Variants in WWOX observed in about 807,000 individuals in gnomAD.
WWOX encodes WW domain-containing oxidoreductase.
Under a neutral mutation model 46.2 loss-of-function variants are expected in WWOX, and 69 were observed. The observed-to-expected ratio is 1.49, with a 90% confidence interval of 1.23 to 1.82. The LOEUF (loss-of-function observed/expected upper bound fraction) is 1.82. WWOX is among the 40% of genes most tolerant of loss of function. WWOX has a pLI of 0.00. For synonymous variants in WWOX, 359 were observed against 202.6 expected (o/e 1.77, Z -6.56); for missense variants, 919 against 542.6 (o/e 1.69, Z -6.89).
At chr16:78,765,219 C>G (rs751446382) in intron 8 of WWOX, among the ~76,000 whole-genome samples, 2 of 152,194 alleles carry the variant, frequency 1.3e-5, no homozygotes, top group East Asian at 3.9e-4. Flanking sequence ...GGCAGAGGAT[C>G]CAGCACGAGC....
intron 8 of WWOX, chr16:78,825,434 C>A (rs768904808): frequency 3.5e-5 from 12 of 347,134 alleles, no homozygotes; most frequent in Non-Finnish European, 6.4e-5. Context: ...AATATCTTAG[C>A]CAACAGAACA....
At chr16:78,950,706 G>A (rs1009172136) in intron 8 of WWOX, among the ~76,000 whole-genome samples, 1 of 152,106 alleles carries the variant, frequency 6.6e-6, no homozygotes, top group African/African-American at 2.4e-5. Context: ...TCTAAGTAAT[G>A]GTTTCTCTTA....
At chr16:79,030,213 A>T (rs957428736) in intron 8 of WWOX, among the ~76,000 whole-genome samples, 1 of 152,180 alleles carries the variant, frequency 6.6e-6, no homozygotes, top group African/African-American at 2.4e-5. Context: ...GGACATTGTA[A>T]TTATTTTGTA....
At chr16:79,115,573 A>G (rs2049500169) in intron 8 of WWOX, among the ~76,000 whole-genome samples, 1 of 152,232 alleles carries the variant, frequency 6.6e-6, no homozygotes, top group Admixed American at 6.5e-5. Flanking sequence ...ACAAGCCAGT[A>G]ATTCAGAAAA....
chr16:78,418,361 C>T (rs1011331145), intron 6 of WWOX, among the ~76,000 whole-genome samples: 5 of 150,632 alleles, frequency 3.3e-5, no homozygotes, highest in African/African-American at 1.2e-4. Flanking sequence ...GAGTAAGACT[C>T]CATCTCAGAA....
chr16:78,858,889 G>T lies in WWOX; in HGVS notation c.1057-352719G>T, dbSNP rs182321863. The stretch of plus-strand genomic sequence containing the variant: ...AGTTGGGGTCTCACCATGTTGCCCA[G>T]GCTGGTCTTGAACTCCTGGGCTCAA... On this transcript the variant is annotated intron_variant, in intron 8 of 8. Coordinates refer to ENST00000566780, the MANE Select transcript of WWOX (RefSeq NM_016373.4). 3.3e-4 allele frequency among the ~76,000 whole-genome samples: 50 copies of T among 150,114 alleles called. 2 individuals are homozygous for T. In the East Asian group the frequency reaches 9.9e-3, roughly 30 times the overall value.
intron 8 of WWOX, among the ~76,000 whole-genome samples, chr16:79,113,406 G>A (rs200437586): frequency 6.6e-6 from 1 of 152,210 alleles, no homozygotes; most frequent in East Asian, 1.9e-4. Flanking sequence ...ATCTGTCGTT[G>A]GTTGAGGACT....
At chr16:78,974,177 A>G (rs1389906292) in intron 8 of WWOX, among the ~76,000 whole-genome samples, 2 of 152,226 alleles carry the variant, frequency 1.3e-5, no homozygotes, top group Non-Finnish European at 2.9e-5. Context: ...AATCTCGTTA[A>G]TACTTTTGGA....
At chr16:78,606,679 C>T (rs75867215) in intron 8 of WWOX, among the ~76,000 whole-genome samples, 2,093 of 149,674 alleles carry the variant, frequency 0.014, 47 homozygotes, top group African/African-American at 0.049. Flanking sequence ...GAAGCCAGCC[C>T]GATTAGGACG....
chr16:78,869,931 G>A (rs575370019), intron 8 of WWOX, among the ~76,000 whole-genome samples: 3 of 152,184 alleles, frequency 2.0e-5, no homozygotes, highest in Non-Finnish European at 2.9e-5. Flanking sequence ...TATCATTGAC[G>A]TCAGTGCCTT....
chr16:78,182,822 G>A (rs902569267), intron 5 of WWOX, among the ~76,000 whole-genome samples: 2 of 151,858 alleles, frequency 1.3e-5, no homozygotes, highest in Non-Finnish European at 2.9e-5. Flanking sequence ...ATGGTGGCGG[G>A]TACCTGTAGT....
At chr16:78,586,181 ACC>A in intron 8 of WWOX, among the ~76,000 whole-genome samples, 2 of 152,200 alleles carry the variant, frequency 1.3e-5, no homozygotes, top group South Asian at 4.1e-4. Flanking sequence ...ACATAGCGAG[ACC>A]CTGTTTCTTA....
intron 8 of WWOX, among the ~76,000 whole-genome samples, chr16:78,881,594 A>T (rs1041596621): frequency 2.0e-5 from 3 of 152,194 alleles, no homozygotes; most frequent in African/African-American, 7.2e-5. Context: ...ATCAAGAGTA[A>T]TTGTGACTTG....
At chr16:78,353,663 T>A (rs1213615915) in intron 5 of WWOX, among the ~76,000 whole-genome samples, 4 of 152,252 alleles carry the variant, frequency 2.6e-5, no homozygotes, top group Non-Finnish European at 5.9e-5. Flanking sequence ...TTATGAAGAT[T>A]AGAGATGTAA....
intron 6 of WWOX, among the ~76,000 whole-genome samples, chr16:78,408,464 A>C (rs2082600396): frequency 6.6e-6 from 1 of 152,034 alleles, no homozygotes; most frequent in East Asian, 1.9e-4. Flanking sequence ...TTAGTTAATA[A>C]ATTCGGCTCC....
At chr16:79,020,341 C>A (rs1016273189) in intron 8 of WWOX, among the ~76,000 whole-genome samples, 2 of 152,142 alleles carry the variant, frequency 1.3e-5, no homozygotes, top group Non-Finnish European at 2.9e-5. Context: ...ACTATGGAGT[C>A]TTAAGTCCAA....
intron 8 of WWOX, among the ~76,000 whole-genome samples, chr16:78,701,616 C>T (rs2048219927): frequency 6.6e-6 from 1 of 151,996 alleles, no homozygotes; most frequent in African/African-American, 2.4e-5. Context: ...CACCTGCCTC[C>T]CCCACACTCC....
At chr16:78,328,479 T>C (rs1304318343) in intron 5 of WWOX, among the ~76,000 whole-genome samples, 2 of 152,204 alleles carry the variant, frequency 1.3e-5, no homozygotes, top group African/African-American at 4.8e-5. Context: ...TCATTTCAAG[T>C]TGCTGGTAAG....
intron 8 of WWOX, among the ~76,000 whole-genome samples, chr16:78,458,374 C>T (rs559937282): frequency 1.3e-5 from 2 of 151,876 alleles, no homozygotes; most frequent in African/African-American, 4.8e-5. Flanking sequence ...AATCCTCTGG[C>T]CTCAGCCTCC....
Sources: gnomAD v4.1 joint callset for allele counts (sites outside exome capture counted in the v4.1 genomes callset) on GRCh38, gnomAD v4.1.1 for gene constraint, MANE v1.5 for transcripts, NCBI Gene and HGNC (gene_info 2026-07-23, HGNC 2026-07-21) for gene names.